U2AF1L4: variants seen among roughly 807,000 people sequenced by gnomAD.
U2AF1L4 encodes the protein U2 small nuclear RNA auxiliary factor 1 like 4.
U2AF1L4 carries 21 observed loss-of-function variants against 21.7 expected under a neutral mutation model. That is an observed-to-expected ratio of 0.97 (90% CI 0.69 to 1.39). The LOEUF is 1.39. U2AF1L4 is among the 40% of genes most tolerant of loss of function. U2AF1L4 has a pLI of 0.00. For synonymous variants in U2AF1L4, 92 were observed against 89.7 expected (o/e 1.03, Z -0.15); for missense variants, 259 against 245.7 (o/e 1.05, Z -0.36).
intron 1 of U2AF1L4, 45 bp downstream of exon 1, chr19:35,745,303 C>G: frequency 1.3e-6 from 2 of 1,598,954 alleles, no homozygotes; most frequent in Non-Finnish European, 1.7e-6. Context: ...CCCCAGTACC[C>G]CGGCCCCGAC....
At chr19:35,744,686 C>T (rs1269149362) in intron 2 of U2AF1L4, 4 of 1,536,020 alleles carry the variant, frequency 2.6e-6, no homozygotes, top group African/African-American at 2.7e-5. Flanking sequence ...TTGAGCAGCA[C>T]TATGGTCTGC....
In U2AF1L4 at chr19:35,744,619, TACTC is replaced by T. The variant is rs772032630; in HGVS notation, c.133-202_133-199del. 2.5e-5 allele frequency: 38 copies of T among 1,537,034 alleles called. 1 individual carries two copies. The East Asian group carries it at 8.8e-4, about 36-fold the overall frequency. ...CACCTTGCCCCCAGGCCTGGTCCCT[TACTC>T]ACAGTGTGATCCGTCTGCAGTTTGG... is the stretch of plus-strand genomic sequence containing the variant. On this transcript the variant is annotated intron_variant, in intron 2 of 5. Transcript: ENST00000378975.
Position 35,744,086 on chromosome 19 carries a change from G to T in U2AF1L4, c.291C>A (p.Asn97Lys). 4.3e-6 allele frequency: 7 copies of T among 1,613,980 alleles called. No individual in the cohort carries two copies. Among genetic ancestry groups the T allele is most frequent in the Non-Finnish European group, 5.9e-6 (7 of 1,180,034 alleles). Residue 97 changes from asparagine to lysine, a missense_variant, in exon 4 of 6, where the codon AAC becomes AAA. Physicochemically the swap from Asn to Lys is moderately conservative, Grantham distance 94. Coordinates refer to ENST00000378975, the MANE Select transcript of U2AF1L4 (RefSeq NM_001040425.3). ...AVAELSNRWF[N>K]GQAVHGELSP... ...ACAGCTCACCGTGCACAGCCTGCCC[G>T]TTGAACCAGCGGTTACTGAGTTCAG...
In U2AF1L4 at chr19:35,742,783, G is replaced by A. The variant is rs373824222; in HGVS notation, c.482C>T (p.Thr161Ile). Residue 161 changes from threonine (T) to isoleucine (I), a missense_variant, in exon 6 of 6, where the codon ACT becomes ATT. Physicochemically the swap from Thr to Ile is moderately conservative, Grantham distance 89. Coordinates refer to ENST00000378975, the MANE Select transcript of U2AF1L4 (RefSeq NM_001040425.3). ...GTTCCTCTCTCGGGGATGGTGGCCA[G>A]TATGGAACCTCGGGGGTGACCTGGG... ...PRRRSPPRFH[T>I]GHHPRERNHR... The A allele has an allele frequency of 3.7e-6, 6 of 1,611,362 alleles. No individual in the cohort carries two copies. The highest frequency in any genetic ancestry group is 5.1e-6 in the Non-Finnish European group (6 of 1,179,682).
rs555182936 is a variant in U2AF1L4, at chr19:35,742,771, G to A, written c.494C>T (p.Pro165Leu). 3.1e-6 allele frequency: 5 copies of A among 1,610,802 alleles called. No homozygotes were observed. Among genetic ancestry groups the A allele is most frequent in the East Asian group, 4.5e-5 (2 of 44,872 alleles). Reference sequence around the variant, plus strand: ...GGAACACCGATGGTTCCTCTCTCGGGGATGGTGGCCAGTATGGAACCTCGG... The same window carrying A: ...GGAACACCGATGGTTCCTCTCTCGGAGATGGTGGCCAGTATGGAACCTCGG... ...SPPRFHTGHH[P>L]RERNHRCSPD... Residue 165 changes from proline (P) to leucine (L), a missense_variant, in exon 6 of 6, where the codon CCC becomes CTC. By Grantham distance (98) the Pro-to-Leu change is moderately conservative. Coordinates refer to ENST00000378975, the MANE Select transcript of U2AF1L4 (RefSeq NM_001040425.3).
intron 5 of U2AF1L4, 101 bp downstream of exon 5, chr19:35,743,708 A>AT: frequency 3.4e-6 from 3 of 883,640 alleles, no homozygotes; most frequent in Non-Finnish European, 5.2e-6. Context: ...AAAAAAAAAA[A>AT]GATTCTTGGG....
At chr19:35,744,752 G>A in intron 2 of U2AF1L4, 1 of 1,531,318 alleles carries the variant, frequency 6.5e-7, no homozygotes, top group Non-Finnish European at 8.7e-7. Context: ...CATGAACAGA[G>A]AGTGAGGCAT....
chr19:35,744,774 G>T (rs940911935), intron 2 of U2AF1L4: 54 of 1,488,568 alleles, frequency 3.6e-5, no homozygotes, highest in Non-Finnish European at 1.9e-5. Context: ...AAGGTTGGGG[G>T]TGGAACCTTA....
chr19:35,744,690 G>C (rs1297489460), intron 2 of U2AF1L4: 10 of 1,536,150 alleles, frequency 6.5e-6, no homozygotes, highest in Non-Finnish European at 7.8e-6. Flanking sequence ...GCAGCACTAT[G>C]GTCTGCACAG....
Position 35,742,670 on chromosome 19 carries a change from C to G in U2AF1L4, c.*49G>C, listed in dbSNP as rs1334740707. On this transcript the variant is annotated 3_prime_UTR_variant, in exon 6 of 6. Coordinates refer to ENST00000378975, the MANE Select transcript of U2AF1L4 (RefSeq NM_001040425.3). ...AAGGGGGCTTTGAGGAGAGGTCCTG[C>G]CAGGAACATCTGTCCCTGTTGGGGG... The G allele has an allele frequency of 6.2e-7, 1 of 1,612,892 alleles. No individual in the cohort carries two copies. Among genetic ancestry groups the G allele is most frequent in the Admixed American group, 1.7e-5 (1 of 59,830 alleles).
chr19:35,743,111 G>A (rs1452561635), intron 5 of U2AF1L4: 3 of 421,368 alleles, frequency 7.1e-6, no homozygotes, highest in Non-Finnish European at 1.3e-5. Flanking sequence ...AGTGGTTCAC[G>A]CCTGTAATCC....
In U2AF1L4 at chr19:35,744,043, G is replaced by A. The variant is rs1970428086; in HGVS notation, c.334C>T (p.Arg112Trp). 3.7e-6 allele frequency: 6 copies of A among 1,613,986 alleles called. No individual in the cohort carries two copies. The highest frequency in any genetic ancestry group is 4.5e-5 in the East Asian group (2 of 44,888). ...TCATACTGGCGACAGCATGACTCCC[G>A]GAAGTCAGTGACAGGAGACAGCTCA... ...HGELSPVTDF[R>W]ESCCRQYEMG... The change falls in exon 4 of 6, where the codon CGG (arginine) becomes TGG (tryptophan). Residue 112 changes from arginine (R) to tryptophan (W), a missense_variant. Coordinates refer to ENST00000378975, the MANE Select transcript of U2AF1L4 (RefSeq NM_001040425.3).
chr19:35,742,498 G>A, downstream of U2AF1L4: 1 of 1,580,730 alleles, frequency 6.3e-7, no homozygotes, highest in South Asian at 1.1e-5. Context: ...TGTGGGTGGA[G>A]GGAAATGCCA....
rs553918468 is a variant in U2AF1L4 at position 35,743,722 on chromosome 19, G to A, written c.461+87C>T. ...AAAAAAAAAAAAGATTCTTGGGAAC[G>A]TGGTTACTGGGGCTTAGGGTTAGGC... On this transcript the variant is annotated intron_variant, in intron 5 of 5. Transcript: ENST00000378975. The A allele has an allele frequency of 6.3e-5, 59 of 938,298 alleles. No homozygotes were observed. In the Admixed American group the frequency reaches 9.4e-4, roughly 15 times the overall value. The allele number at this position is 938,298 out of a possible 1,614,324, so 58.1% of individuals were successfully genotyped here.
At chr19:35,742,496 G>A (rs1970301920), downstream of U2AF1L4, 4 of 1,578,350 alleles carry the variant, frequency 2.5e-6, no homozygotes, top group Non-Finnish European at 3.4e-6. Flanking sequence ...TGTGTGGGTG[G>A]AGGGAAATGC....
At chr19:35,744,689 T>C (rs1970482285) in intron 2 of U2AF1L4, 3 of 1,536,126 alleles carry the variant, frequency 2.0e-6, no homozygotes, top group East Asian at 2.4e-5. Flanking sequence ...AGCAGCACTA[T>C]GGTCTGCACA....
intron 2 of U2AF1L4, 23 bp from the exon 3 acceptor site, chr19:35,744,444 C>G: frequency 6.2e-7 from 1 of 1,614,090 alleles, no homozygotes; most frequent in African/African-American, 1.3e-5. Context: ...GGGAGGAACT[C>G]AGCTGAGCTC....
At chr19:35,743,117 A>C (rs1568395724) in intron 5 of U2AF1L4, 3 of 406,632 alleles carry the variant, frequency 7.4e-6, no homozygotes, top group Non-Finnish European at 1.3e-5. Context: ...TCACGCCTGT[A>C]ATCCCCACAC....
At chr19:35,744,773 GGT>G in intron 2 of U2AF1L4, 1 of 1,493,698 alleles carries the variant, frequency 6.7e-7, no homozygotes, top group African/African-American at 1.4e-5. Flanking sequence ...GAAGGTTGGG[GGT>G]GGAACCTTAC....
Sources: gnomAD v4.1 joint callset for allele counts on GRCh38, gnomAD v4.1.1 for gene constraint, MANE v1.5 for transcripts, NCBI Gene and HGNC (gene_info 2026-07-23, HGNC 2026-07-21) for gene names.